Variants in CDKL2 observed in about 807,000 individuals in gnomAD.
CDKL2 encodes the protein cyclin dependent kinase like 2.
A neutral mutation model predicts 63.9 loss-of-function variants in CDKL2; 64 were observed. That is an observed-to-expected ratio of 1.00 (90% CI 0.82 to 1.23). CDKL2 has a LOEUF of 1.23. CDKL2 is among the 50% of genes most tolerant of loss of function. CDKL2 has a pLI of 0.00. For synonymous variants in CDKL2, 211 were observed against 229.2 expected, an observed-to-expected ratio of 0.92 and a Z score of 0.72; for missense variants, 656 against 668.0, an observed-to-expected ratio of 0.98 and a Z score of 0.20.
At chr4:75,598,743 C>T (rs1729050362) in intron 7 of CDKL2, among the ~76,000 whole-genome samples, 1 of 151,926 alleles carries the variant, frequency 6.6e-6, no homozygotes, top group East Asian at 1.9e-4. Context: ...TGCTACAAAC[C>T]GAAACACTAT....
chr4:75,621,237 T>C (rs902150874), intron 2 of CDKL2, among the ~76,000 whole-genome samples: 8 of 151,150 alleles, frequency 5.3e-5, no homozygotes, highest in African/African-American at 1.9e-4. Flanking sequence ...ATGCCCAGCA[T>C]TTTTTTAAAA....
Position 75,577,120 on chromosome 4 carries a change from A to G in CDKL2, c.*2082T>C, listed in dbSNP as rs1728057684. ...TAAACCATCTATGGAGCCCAGTAAG[A>G]TAATATTTATTAATTTTAAAACATA... On this transcript the variant is annotated 3_prime_UTR_variant, in exon 14 of 14. Transcript: ENST00000307465. Among the ~76,000 whole-genome samples the G allele has an allele frequency of 6.6e-6, 1 of 152,142 alleles. No homozygotes were observed. The highest frequency in any genetic ancestry group is 2.1e-4 in the South Asian group (1 of 4,824).
intron 10 of CDKL2, 24 bp from the exon 11 acceptor site, chr4:75,592,293 A>T: frequency 6.7e-7 from 1 of 1,501,986 alleles, no homozygotes; most frequent in Non-Finnish European, 8.8e-7. Flanking sequence ...CATAGTCAAC[A>T]AAAAAGAATT....
Position 75,603,744 on chromosome 4 carries a change from T to C in CDKL2, c.795+73A>G, listed in dbSNP as rs993856312. Reference sequence around the variant, plus strand: ...AAAAAAAAAAGATCAACTAGACAAGTAAAAAAAAAAAAAAAAGGTCTTGAT... The same window carrying C: ...AAAAAAAAAAGATCAACTAGACAAGCAAAAAAAAAAAAAAAAGGTCTTGAT... On this transcript the variant is annotated intron_variant, in intron 6 of 13. Transcript: ENST00000307465. 105 of 608,674 alleles carry C rather than the reference T, an allele frequency of 1.7e-4. No individual in the cohort carries two copies. In the South Asian group the frequency reaches 2.4e-3, roughly 14 times the overall value. 37.7% of individuals were successfully genotyped at this position (608,674 alleles called of 1,614,324 possible).
At chr4:75,612,164 G>C (rs1178458830) in intron 3 of CDKL2, among the ~76,000 whole-genome samples, 1 of 151,882 alleles carries the variant, frequency 6.6e-6, no homozygotes, top group African/African-American at 2.4e-5. Context: ...GTAGAGATGG[G>C]GTTTCACCAC....
In CDKL2 at chr4:75,593,089, T is replaced by A. The variant is rs551941483; in HGVS notation, c.1417-820A>T. On this transcript the variant is annotated intron_variant, in intron 10 of 13. Transcript: ENST00000307465. ...CTCAAACTTAATATTCTGTGAATTATGCCATTCTGGCTACCAGAAAGTCTT... is the reference window on the plus strand; with the variant it reads ...CTCAAACTTAATATTCTGTGAATTAAGCCATTCTGGCTACCAGAAAGTCTT... 3.9e-5 allele frequency among the ~76,000 whole-genome samples: 6 copies of A among 152,310 alleles called. No homozygotes were observed. The East Asian group carries it at 9.6e-4, about 24-fold the overall frequency.
chr4:75,605,510 G>A lies in CDKL2; in HGVS notation c.655+12C>T, dbSNP rs776731395. 2 of 1,462,468 alleles carry A rather than the reference G, an allele frequency of 1.4e-6. No individual in the cohort carries two copies. The highest frequency in any genetic ancestry group is 2.3e-5 in the South Asian group (2 of 85,684). The allele number at this position is 1,462,468 out of a possible 1,614,324, so 90.6% of individuals were successfully genotyped here. Reference sequence around the variant, plus strand: ...AATCTCTAAAATTTAAAATGCAGATGTGTAACCTTACCTAAACACATCATA... The same window carrying A: ...AATCTCTAAAATTTAAAATGCAGATATGTAACCTTACCTAAACACATCATA... On this transcript the variant is annotated intron_variant, in intron 5 of 13. Transcript: ENST00000307465.
At position 75,626,013 on chromosome 4, in the gene CDKL2, T is replaced by G. The variant is rs757380614; in HGVS notation, c.-25A>C. The G allele has an allele frequency of 6.3e-7, 1 of 1,596,878 alleles. No homozygotes were observed. The highest frequency in any genetic ancestry group is 8.5e-7 in the Non-Finnish European group (1 of 1,175,358). ...TTTTAATTTAAAGTCCGTAGAAACT[T>G]TTTGCTGTGAAAACCAAAACATAGA... On this transcript the variant is annotated 5_prime_UTR_variant, in exon 2 of 14. Coordinates refer to ENST00000307465, the MANE Select transcript of CDKL2 (RefSeq NM_001330724.2).
At chr4:75,604,932 C>T (rs535050931) in intron 5 of CDKL2, among the ~76,000 whole-genome samples, 2 of 152,060 alleles carry the variant, frequency 1.3e-5, no homozygotes, top group Admixed American at 6.5e-5. Context: ...ACCTGGGAGT[C>T]GGAGTTTGCA....
chr4:75,621,311 A>AAC (rs1553931245), intron 2 of CDKL2, among the ~76,000 whole-genome samples: 6 of 147,134 alleles, frequency 4.1e-5, no homozygotes, highest in African/African-American at 1.2e-4. Context: ...AAAAAAAAAA[A>AAC]CCCACACCTA....
chr4:75,616,251 C>T (rs1729920578), intron 2 of CDKL2, among the ~76,000 whole-genome samples: 1 of 152,030 alleles, frequency 6.6e-6, no homozygotes, highest in African/African-American at 2.4e-5. Flanking sequence ...CTGCAATAAG[C>T]TATGATCATG....
At chr4:75,599,655 G>A (rs1222010882) in intron 7 of CDKL2, among the ~76,000 whole-genome samples, 2 of 151,814 alleles carry the variant, frequency 1.3e-5, no homozygotes, top group African/African-American at 2.4e-5. Context: ...CTTACGTGAG[G>A]CCAGAGTTTC....
At chr4:75,621,539 T>TG (rs1329077325) in intron 2 of CDKL2, among the ~76,000 whole-genome samples, 6 of 151,898 alleles carry the variant, frequency 4.0e-5, no homozygotes, top group Admixed American at 6.6e-5. Context: ...TCTTTTTTTT[T>TG]GAAGCGATGA....
At chr4:75,585,123 C>T (rs570296809) in intron 12 of CDKL2, among the ~76,000 whole-genome samples, 4 of 152,020 alleles carry the variant, frequency 2.6e-5, no homozygotes, top group South Asian at 2.1e-4. Context: ...TGCAAACATA[C>T]GTATAAGAAG....
intron 2 of CDKL2, among the ~76,000 whole-genome samples, chr4:75,621,341 C>A (rs34227865): frequency 0.23 from 34,901 of 148,736 alleles, 4,497 homozygotes; most frequent in Middle Eastern, 0.37. Flanking sequence ...TTGTAAACTC[C>A]TGAAAACCAA....
chr4:75,613,886 A>G (rs545855842), intron 3 of CDKL2, among the ~76,000 whole-genome samples: 10 of 152,048 alleles, frequency 6.6e-5, no homozygotes, highest in Non-Finnish European at 4.4e-5. Flanking sequence ...GTGAAACCCC[A>G]TCTCTACTAA....
chr4:75,599,399 T>G (rs1484596938), intron 7 of CDKL2, among the ~76,000 whole-genome samples: 1 of 151,740 alleles, frequency 6.6e-6, no homozygotes, highest in Non-Finnish European at 1.5e-5. Flanking sequence ...CCATCTCTAC[T>G]AAAAATATAA....
chr4:75,613,648 A>G (rs1729798376), intron 3 of CDKL2, among the ~76,000 whole-genome samples: 1 of 152,230 alleles, frequency 6.6e-6, no homozygotes, highest in African/African-American at 2.4e-5. Flanking sequence ...ACACTTTGTA[A>G]TTAGGCAAGA....
chr4:75,617,370 A>C (rs1285545726), intron 2 of CDKL2, among the ~76,000 whole-genome samples: 1 of 152,244 alleles, frequency 6.6e-6, no homozygotes, highest in Non-Finnish European at 1.5e-5. Flanking sequence ...TATTCTAAGC[A>C]CAAAAGCCTT....
Sources: gnomAD v4.1 joint callset for allele counts (sites outside exome capture counted in the v4.1 genomes callset) on GRCh38, gnomAD v4.1.1 for gene constraint, MANE v1.5 for transcripts, NCBI Gene and HGNC (gene_info 2026-07-23, HGNC 2026-07-21) for gene names.